Variants in ANXA8 observed in about 807,000 individuals in gnomAD.
ANXA8 encodes the protein VAC-beta.
Under a neutral mutation model 26.8 loss-of-function variants are expected in ANXA8, and 9 were observed. The ratio of observed to expected loss-of-function variants is 0.34; its 90% CI spans 0.20 to 0.59. The LOEUF is 0.59. ANXA8 is among the 20% of genes least tolerant of loss of function. The probability of loss-of-function intolerance (pLI) is 0.84; values close to 1 mark genes in which losing one functional copy is unlikely to be tolerated. For synonymous variants in ANXA8, 39 were observed against 94.8 expected, an observed-to-expected ratio of 0.41 and a Z score of 3.42; for missense variants, 83 against 238.5, an observed-to-expected ratio of 0.35 and a Z score of 4.29.
chr10:47,664,286 G>C, the ANXA8 span, among the ~76,000 whole-genome samples: 1 of 152,078 alleles, frequency 6.6e-6, no homozygotes, highest in Non-Finnish European at 1.5e-5. Flanking sequence ...GCTGAGGCAG[G>C]AGAATTGCTT....
chr10:47,748,732 C>T, the ANXA8 span, among the ~76,000 whole-genome samples: 7 of 151,230 alleles, frequency 4.6e-5, no homozygotes, highest in East Asian at 2.0e-4. Context: ...CTCAAGGGTG[C>T]TGGGATGACG....
the ANXA8 span, among the ~76,000 whole-genome samples, chr10:47,595,805 T>C: frequency 6.7e-6 from 1 of 148,322 alleles, no homozygotes; most frequent in Non-Finnish European, 1.5e-5. Flanking sequence ...AGCCCCTCAG[T>C]AATAACTGGG....
the ANXA8 span, among the ~76,000 whole-genome samples, chr10:47,960,911 G>A: frequency 1.4e-5 from 2 of 139,696 alleles, no homozygotes; most frequent in South Asian, 4.8e-4. Context: ...CAGGCCTGCT[G>A]GGAACACCTG....
the ANXA8 span, among the ~76,000 whole-genome samples, chr10:47,692,978 G>A: frequency 1.3e-5 from 2 of 151,320 alleles, no homozygotes; most frequent in African/African-American, 2.4e-5. Context: ...CAGGTGATCC[G>A]CCCACCTCGC....
chr10:47,743,399 TGTGTGTGA>T, the ANXA8 span, among the ~76,000 whole-genome samples: 3 of 104,988 alleles, frequency 2.9e-5, no homozygotes, highest in African/African-American at 1.1e-4. Context: ...TGTGTGTGTG[TGTGTGTGA>T]GAGAGAGAGA....
the ANXA8 span, among the ~76,000 whole-genome samples, chr10:47,559,103 C>A: frequency 1.3e-5 from 2 of 149,092 alleles, no homozygotes; most frequent in African/African-American, 5.0e-5. Flanking sequence ...TATTTTTTCC[C>A]AATCCATTAA....
chr10:47,508,157 C>T, the ANXA8 span, among the ~76,000 whole-genome samples: 8 of 99,456 alleles, frequency 8.0e-5, no homozygotes, highest in African/African-American at 1.5e-4. Context: ...CTCTGCCTCC[C>T]GGGTTCAAGA....
chr10:47,487,979 G>T (rs1840076994), upstream of ANXA8, among the ~76,000 whole-genome samples: 2 of 149,628 alleles, frequency 1.3e-5, no homozygotes, highest in Admixed American at 1.3e-4. Context: ...CAGTCTTAAT[G>T]TAATGATATT....
At chr10:47,769,107 C>T in the ANXA8 span, among the ~76,000 whole-genome samples, 1 of 142,948 alleles carries the variant, frequency 7.0e-6, no homozygotes. Context: ...GGTGAACTTT[C>T]TAGGGGTAGA....
At chr10:47,748,358 C>T in the ANXA8 span, among the ~76,000 whole-genome samples, 643 of 148,288 alleles carry the variant, frequency 4.3e-3, 2 homozygotes, top group Non-Finnish European at 7.7e-3. Flanking sequence ...ATTACAGGCA[C>T]GCGCCACCAT....
the ANXA8 span, among the ~76,000 whole-genome samples, chr10:47,958,542 G>T: frequency 2.0e-5 from 3 of 147,882 alleles, no homozygotes; most frequent in Admixed American, 6.7e-5. Flanking sequence ...GGGAGGAAAA[G>T]GACTCAGATC....
chr10:47,585,242 A>T, the ANXA8 span, among the ~76,000 whole-genome samples: 1 of 109,222 alleles, frequency 9.2e-6, no homozygotes, highest in East Asian at 2.5e-4. Context: ...CCAGCCTGAG[A>T]GACATAGCGA....
At chr10:47,951,202 A>G in the ANXA8 span, among the ~76,000 whole-genome samples, 1 of 150,188 alleles carries the variant, frequency 6.7e-6, no homozygotes, top group African/African-American at 2.5e-5. Context: ...AGGAAATGGG[A>G]AAATTTTTCA....
At chr10:47,554,949 C>T in the ANXA8 span, among the ~76,000 whole-genome samples, 1 of 151,476 alleles carries the variant, frequency 6.6e-6, no homozygotes, top group African/African-American at 2.4e-5. Flanking sequence ...CCATTCTTGT[C>T]CTCTGCCCTA....
At chr10:47,474,110 A>T in intron 8 of ANXA8, 45 bp from the exon 9 acceptor site, 1 of 504,336 alleles carries the variant, frequency 2.0e-6, no homozygotes, top group Non-Finnish European at 3.4e-6. Context: ...CCTCCTCGTG[A>T]TGCCCCTCAG....
At chr10:47,668,510 C>T in the ANXA8 span, among the ~76,000 whole-genome samples, 4 of 151,376 alleles carry the variant, frequency 2.6e-5, no homozygotes, top group Admixed American at 2.0e-4. Flanking sequence ...CCAAGCATTT[C>T]TCTTGCCTCA....
chr10:47,644,492 A>G, the ANXA8 span, among the ~76,000 whole-genome samples: 1 of 152,078 alleles, frequency 6.6e-6, no homozygotes, highest in East Asian at 1.9e-4. Flanking sequence ...AATTTATTGC[A>G]GTCTATTGGC....
At chr10:47,939,519 C>T in the ANXA8 span, among the ~76,000 whole-genome samples, 1 of 144,190 alleles carries the variant, frequency 6.9e-6, no homozygotes, top group Non-Finnish European at 1.5e-5. Flanking sequence ...CCCCAACACC[C>T]TCCATAAGCA....
the ANXA8 span, among the ~76,000 whole-genome samples, chr10:47,681,523 C>CT: frequency 0.11 from 8,535 of 81,230 alleles, 460 homozygotes; most frequent in Non-Finnish European, 0.14. Flanking sequence ...TTTATTTTTA[C>CT]TTTTTTTTTT....
Sources: allele counts gnomAD v4.1 joint callset (sites outside exome capture counted in the v4.1 genomes callset), GRCh38; gene constraint gnomAD v4.1.1; transcripts MANE v1.5; gene names NCBI Gene and HGNC (gene_info 2026-07-23, HGNC 2026-07-21).